IFT27: variants seen among roughly 807,000 people sequenced by gnomAD.
IFT27 encodes the protein intraflagellar transport protein 27 homolog.
In IFT27, 19 loss-of-function variants were observed where a neutral mutation model predicts 23.9. The ratio of observed to expected loss-of-function variants is 0.79; its 90% CI spans 0.55 to 1.16. The LOEUF (loss-of-function observed/expected upper bound fraction) is 1.16. IFT27 is among the 50% of genes most tolerant of loss of function. The pLI is 0.00. For synonymous variants in IFT27, 91 were observed against 89.1 expected (o/e 1.02, Z -0.12); for missense variants, 206 against 228.7 (o/e 0.90, Z 0.64).
intron 1 of IFT27, among the ~76,000 whole-genome samples, chr22:36,770,305 C>G (rs144433513): frequency 1.3e-5 from 2 of 152,140 alleles, no homozygotes; most frequent in East Asian, 3.9e-4. Context: ...CCTTCCTTCC[C>G]GAGTCCTGTC....
chr22:36,773,129 G>T (rs561111043), intron 1 of IFT27, among the ~76,000 whole-genome samples: 1 of 152,282 alleles, frequency 6.6e-6, no homozygotes, highest in Admixed American at 6.5e-5. Flanking sequence ...GGAGGCTGAG[G>T]CAGGTGGATC....
intron 5 of IFT27, 58 bp downstream of exon 5, chr22:36,763,861 G>GCT (rs778935839): frequency 8.1e-7 from 1 of 1,237,300 alleles, no homozygotes; most frequent in Non-Finnish European, 1.2e-6. Context: ...ATGCCCTTGT[G>GCT]CTCTTGAACC....
chr22:36,763,799 G>T, intron 5 of IFT27, 120 bp downstream of exon 5: 2 of 770,454 alleles, frequency 2.6e-6, no homozygotes, highest in Non-Finnish European at 2.3e-6. Flanking sequence ...TACGCCTTAG[G>T]CCATCAAAGT....
intron 1 of IFT27, chr22:36,768,067 C>T (rs567872718): frequency 1.5e-6 from 1 of 685,516 alleles, no homozygotes; most frequent in South Asian, 1.5e-5. Flanking sequence ...CCAGAGCACA[C>T]TTCTGCACGG....
intron 6 of IFT27, chr22:36,759,334 C>G (rs540361532): frequency 6.6e-6 from 1 of 152,318 alleles, no homozygotes; most frequent in Admixed American, 6.5e-5. Flanking sequence ...TCACCCAGGG[C>G]TGGGCACTTT....
At chr22:36,773,433 C>T (rs922448408) in intron 1 of IFT27, among the ~76,000 whole-genome samples, 1 of 152,006 alleles carries the variant, frequency 6.6e-6, no homozygotes, top group Non-Finnish European at 1.5e-5. Flanking sequence ...GGGCAGATCA[C>T]CTGACGTCAG....
chr22:36,766,906 C>T (rs1306673429), intron 3 of IFT27, among the ~76,000 whole-genome samples: 3 of 150,342 alleles, frequency 2.0e-5, no homozygotes, highest in Non-Finnish European at 4.4e-5. Flanking sequence ...ACTCACCTTT[C>T]TCTTCATCAG....
intron 1 of IFT27, among the ~76,000 whole-genome samples, chr22:36,773,553 C>T (rs371419426): frequency 1.3e-5 from 2 of 148,742 alleles, no homozygotes; most frequent in South Asian, 4.2e-4. Context: ...ACTTGGGAGG[C>T]TGAGGCAGAA....
intron 4 of IFT27, among the ~76,000 whole-genome samples, chr22:36,765,464 C>A (rs1938220233): frequency 6.6e-6 from 1 of 152,056 alleles, no homozygotes; most frequent in Non-Finnish European, 1.5e-5. Flanking sequence ...TGTATGAAAT[C>A]ACTATCATTA....
chr22:36,762,827 A>T lies in IFT27; in HGVS notation c.462+77T>A, dbSNP rs1938126979. 7.4e-6 allele frequency: 6 copies of T among 814,554 alleles called. No homozygotes were observed. In the Admixed American group the frequency reaches 1.7e-4, roughly 24 times the overall value. 50.5% of individuals were successfully genotyped at this position (814,554 alleles called of 1,614,324 possible). A position where few individuals can be genotyped will look rare whatever the true frequency, so the allele number is the denominator to read the frequency against. ...ATATGGTGGAATAACAGCTCCCTGC[A>T]CGTGAGGTCATGTGCAAGACCGCTG... On this transcript the variant is annotated intron_variant, in intron 6 of 6. Transcript: ENST00000433985.
Position 36,758,424 on chromosome 22 carries a change from T to G in IFT27, c.463-15A>C, listed in dbSNP as rs577272069. 14 of 1,605,862 alleles carry G rather than the reference T, an allele frequency of 8.7e-6. No homozygotes were observed. The South Asian group carries it at 1.3e-4, about 15-fold the overall frequency. The stretch of plus-strand genomic sequence containing the variant: ...TCCATCTCTTTCTGGAAAGACAGTT[T>G]AAAAAGTTGGCTGTGTTCTTTTAGA... On this transcript the variant is annotated splice_polypyrimidine_tract_variant and intron_variant, in intron 6 of 6. Coordinates refer to ENST00000433985, the MANE Select transcript of IFT27 (RefSeq NM_001177701.3).
chr22:36,768,022 A>G, intron 1 of IFT27, 160 bp from the exon 2 acceptor site: 1 of 722,788 alleles, frequency 1.4e-6, no homozygotes, highest in Non-Finnish European at 2.6e-6. Flanking sequence ...GGCAGGGCAC[A>G]GGTCCATGAG....
intron 2 of IFT27, 49 bp downstream of exon 2, chr22:36,767,734 C>A (rs996902964): frequency 6.6e-7 from 1 of 1,504,750 alleles, no homozygotes; most frequent in African/African-American, 1.4e-5. Context: ...TCATGGTGAA[C>A]CGAGCACTTC....
intron 1 of IFT27, among the ~76,000 whole-genome samples, chr22:36,769,033 T>C (rs1264194237): frequency 6.6e-6 from 1 of 152,248 alleles, no homozygotes; most frequent in Non-Finnish European, 1.5e-5. Context: ...AGTTTTGACT[T>C]TTCCCACCTA....
At chr22:36,770,772 G>C (rs1938369924) in intron 1 of IFT27, among the ~76,000 whole-genome samples, 1 of 151,982 alleles carries the variant, frequency 6.6e-6, no homozygotes, top group South Asian at 2.1e-4. Context: ...GGCCCTCCCT[G>C]CTGACCCTGC....
At chr22:36,769,706 C>A (rs753858559) in intron 1 of IFT27, among the ~76,000 whole-genome samples, 22 of 152,138 alleles carry the variant, frequency 1.4e-4, no homozygotes, top group Admixed American at 6.5e-4. Flanking sequence ...TCTGGGGCAA[C>A]CACAGCCTAG....
chr22:36,768,720 C>A (rs752427011), intron 1 of IFT27, among the ~76,000 whole-genome samples: 2 of 152,238 alleles, frequency 1.3e-5, no homozygotes, highest in Non-Finnish European at 2.9e-5. Context: ...ATCTTTAATT[C>A]CCTTTGCCCT....
intron 4 of IFT27, among the ~76,000 whole-genome samples, chr22:36,765,863 T>C (rs1407598552): frequency 2.6e-5 from 4 of 152,112 alleles, no homozygotes; most frequent in Non-Finnish European, 4.4e-5. Context: ...AAGGGAGGCC[T>C]CACAGGGGGA....
At chr22:36,763,727 TG>T in intron 5 of IFT27, 191 bp downstream of exon 5, 1 of 675,774 alleles carries the variant, frequency 1.5e-6, no homozygotes. Flanking sequence ...TTTCCTAGAC[TG>T]GGAGAGGTGT....
Sources: allele counts gnomAD v4.1 joint callset (sites outside exome capture counted in the v4.1 genomes callset), GRCh38; gene constraint gnomAD v4.1.1; transcripts MANE v1.5; gene names NCBI Gene and HGNC (gene_info 2026-07-23, HGNC 2026-07-21).